The following AFF3 variants were observed in gnomAD, a reference collection of about 807,000 sequenced individuals.
AFF3 encodes ALF transcription elongation factor 3.
AFF3 carries 32 observed loss-of-function variants against 129.7 expected under a neutral mutation model. The observed-to-expected ratio is 0.25, with a 90% CI of 0.19 to 0.33. The LOEUF is 0.33. AFF3 is among the 10% of genes least tolerant of loss of function. The pLI is 1.00. For synonymous variants in AFF3, 644 were observed against 635.4 expected, an observed-to-expected ratio of 1.01 and a Z score of -0.20; for missense variants, 1,373 against 1,592.0, an observed-to-expected ratio of 0.86 and a Z score of 2.34.
intron 7 of AFF3, among the ~76,000 whole-genome samples, chr2:99,858,707 C>T (rs1488161803): frequency 2.6e-5 from 4 of 152,042 alleles, no homozygotes; most frequent in Admixed American, 6.6e-5. Context: ...GATGAGAACA[C>T]ATGGACACAT....
At chr2:99,821,744 G>A (rs945251656) in intron 8 of AFF3, among the ~76,000 whole-genome samples, 4 of 152,172 alleles carry the variant, frequency 2.6e-5, no homozygotes, top group Non-Finnish European at 5.9e-5. Context: ...CATCACCACA[G>A]GCAGTGAGTA....
chr2:99,902,083 C>A (rs1211339253), intron 7 of AFF3, among the ~76,000 whole-genome samples: 1 of 151,578 alleles, frequency 6.6e-6, no homozygotes, highest in Admixed American at 6.6e-5. Context: ...TCCCACAGAA[C>A]CCTTGTGTGC....
At chr2:100,081,487 A>C (rs1689046919) in intron 4 of AFF3, among the ~76,000 whole-genome samples, 1 of 151,880 alleles carries the variant, frequency 6.6e-6, no homozygotes, top group Admixed American at 6.6e-5. Flanking sequence ...CCTCCAACAG[A>C]AGACCTTCTG....
chr2:100,011,595 A>G (rs1312567043), intron 4 of AFF3: 1 of 780,790 alleles, frequency 1.3e-6, no homozygotes, highest in East Asian at 2.4e-5. Context: ...AAACACCACA[A>G]GAAGCTGAAA....
intron 7 of AFF3, among the ~76,000 whole-genome samples, chr2:99,940,566 C>T (rs1674941630): frequency 6.6e-6 from 1 of 152,208 alleles, no homozygotes; most frequent in South Asian, 2.1e-4. Context: ...AGCACCATGA[C>T]AGTTTACAAA....
intron 2 of AFF3, chr2:100,105,896 G>A: frequency 7.5e-7 from 1 of 1,331,468 alleles, no homozygotes; most frequent in East Asian, 4.2e-5. Context: ...CCCGCCAAAA[G>A]GGAGTCCCTT....
At chr2:99,910,041 C>A (rs1227526671) in intron 7 of AFF3, among the ~76,000 whole-genome samples, 1 of 152,122 alleles carries the variant, frequency 6.6e-6, no homozygotes. Flanking sequence ...AAATAAATAA[C>A]CTTCTTATGT....
intron 8 of AFF3, among the ~76,000 whole-genome samples, chr2:99,825,037 T>A (rs1009193696): frequency 1.3e-5 from 2 of 152,096 alleles, no homozygotes; most frequent in Non-Finnish European, 2.9e-5. Context: ...TGGAAATAGG[T>A]CTGAGTTCCA....
chr2:99,704,050 A>G (rs1677128437), intron 11 of AFF3, among the ~76,000 whole-genome samples: 1 of 152,162 alleles, frequency 6.6e-6, no homozygotes, highest in Non-Finnish European at 1.5e-5. Flanking sequence ...AGATCTCTGT[A>G]TCCCCTCCAG....
At chr2:99,793,406 A>G (rs947737418) in intron 8 of AFF3, among the ~76,000 whole-genome samples, 1 of 152,218 alleles carries the variant, frequency 6.6e-6, no homozygotes, top group Non-Finnish European at 1.5e-5. Context: ...ACAGCAACAC[A>G]AAACAGACTA....
At chr2:99,711,032 C>A (rs1677841405) in intron 11 of AFF3, among the ~76,000 whole-genome samples, 2 of 152,266 alleles carry the variant, frequency 1.3e-5, no homozygotes, top group African/African-American at 4.8e-5. Context: ...CACTCAGCGA[C>A]AGGAGCCAGG....
At chr2:99,692,101 T>C (rs1575708578) in intron 11 of AFF3, among the ~76,000 whole-genome samples, 1 of 152,018 alleles carries the variant, frequency 6.6e-6, no homozygotes, top group African/African-American at 2.4e-5. Context: ...TGTGGCGAGG[T>C]CAGAAGAGCT....
chr2:99,548,783 C>T lies in AFF3; in HGVS notation c.*2691G>A. 4.3e-6 allele frequency: 1 copy of T among 232,114 alleles called. No individual in the cohort carries two copies. The highest frequency in any genetic ancestry group is 8.5e-6 in the Non-Finnish European group (1 of 117,330). 14.4% of individuals were successfully genotyped at this position (232,114 alleles called of 1,614,324 possible). A position where few individuals can be genotyped will look rare whatever the true frequency, so the allele number is the denominator to read the frequency against. On this transcript the variant is annotated 3_prime_UTR_variant, in exon 25 of 25. Transcript: ENST00000672756. ...AACAACAACAGCAGTAACAACAAAACTAAGTAAAAGGAACAAGTTATGAAT... is the reference window on the plus strand; with the variant it reads ...AACAACAACAGCAGTAACAACAAAATTAAGTAAAAGGAACAAGTTATGAAT...
intron 7 of AFF3, among the ~76,000 whole-genome samples, chr2:99,900,822 A>G (rs1317982202): frequency 2.0e-5 from 3 of 152,220 alleles, no homozygotes; most frequent in Admixed American, 2.0e-4. Flanking sequence ...GGAAATGCCC[A>G]TGACGAAAGG....
At chr2:99,865,834 A>C (rs940978876) in intron 7 of AFF3, among the ~76,000 whole-genome samples, 1 of 152,242 alleles carries the variant, frequency 6.6e-6, no homozygotes, top group Non-Finnish European at 1.5e-5. Context: ...ATAAAGGCTT[A>C]CATTTTAAAG....
At chr2:99,874,050 G>A (rs988773297) in intron 7 of AFF3, among the ~76,000 whole-genome samples, 3 of 152,106 alleles carry the variant, frequency 2.0e-5, no homozygotes, top group Non-Finnish European at 4.4e-5. Context: ...GGTGGTGGAC[G>A]CCTGCAGTCC....
intron 8 of AFF3, among the ~76,000 whole-genome samples, chr2:99,754,070 A>G (rs756751665): frequency 5.3e-5 from 8 of 152,152 alleles, no homozygotes; most frequent in Non-Finnish European, 1.2e-4. Flanking sequence ...CCCGATTAAG[A>G]AAGCCATGAA....
At chr2:99,599,817 TAAAG>T (rs1358511144) in intron 14 of AFF3, among the ~76,000 whole-genome samples, 1 of 152,214 alleles carries the variant, frequency 6.6e-6, no homozygotes, top group Admixed American at 6.5e-5. Context: ...AAGCAGGCTT[TAAAG>T]AAGCCTGCTT....
rs1682027004 is a variant in AFF3 at position 100,006,940 on chromosome 2, C to T, written c.565G>A (p.Val189Met). The change falls in exon 7 of 25, where the codon GTG becomes ATG. Residue 189 changes from valine (V) to methionine (M), a missense_variant. Around this residue, in one of 9 missense-constraint regions of AFF3, gnomAD observed 255 missense variants for 256.0 expected, o/e 1.00. Coordinates refer to ENST00000672756, the MANE Select transcript of AFF3 (RefSeq NM_001386135.1). Reference protein sequence around the residue: ...QQPRAKQVCNVEVGLQTQERP... With the variant: ...QQPRAKQVCNMEVGLQTQERP... ...TCCTGGGTCTGAAGGCCCACCTCCA[C>T]ATTGCACACTTGTTTGGCCCGAGGC... 2 of 1,614,208 alleles carry T rather than the reference C, an allele frequency of 1.2e-6. No homozygotes were observed. Among genetic ancestry groups the T allele is most frequent in the Non-Finnish European group, 1.7e-6 (2 of 1,180,042 alleles).
Sources: allele counts gnomAD v4.1 joint callset (sites outside exome capture counted in the v4.1 genomes callset), GRCh38; gene constraint gnomAD v4.1.1; regional missense constraint gnomAD v4.1.1; transcripts MANE v1.5; gene names NCBI Gene and HGNC (gene_info 2026-07-23, HGNC 2026-07-21).